Variants in SAMD4A observed in about 807,000 individuals in gnomAD.
SAMD4A encodes protein Smaug homolog 1.
SAMD4A carries 33 observed loss-of-function variants against 81.3 expected under a neutral mutation model. The observed-to-expected ratio is 0.41, with a 90% CI of 0.31 to 0.54. SAMD4A has a LOEUF of 0.54. Among genes scored for constraint, SAMD4A ranks in the 20% least tolerant of loss-of-function variants. The pLI, the probability that SAMD4A is intolerant of heterozygous loss-of-function variation, is 0.37. For missense variants in SAMD4A, 854 were observed against 951.1 expected (o/e 0.90, Z 1.34); for synonymous variants, 389 against 382.1 (o/e 1.02, Z -0.21).
chr14:54,688,341 T>C, intron 2 of SAMD4A: 1 of 985,522 alleles, frequency 1.0e-6, no homozygotes. Context: ...TCTGGGCTTC[T>C]GCAGACTCAT....
intron 2 of SAMD4A, among the ~76,000 whole-genome samples, chr14:54,622,354 C>A (rs981879892): frequency 1.3e-5 from 2 of 152,094 alleles, no homozygotes; most frequent in African/African-American, 4.8e-5. Flanking sequence ...CTGTTCAGGG[C>A]CTATCTAGGG....
chr14:54,611,714 T>C (rs924448077), intron 2 of SAMD4A, among the ~76,000 whole-genome samples: 1 of 151,716 alleles, frequency 6.6e-6, no homozygotes, highest in Non-Finnish European at 1.5e-5. Context: ...CCATCTCTAC[T>C]AAAAATACAA....
At chr14:54,771,094 C>T (rs1360757260) in intron 9 of SAMD4A, among the ~76,000 whole-genome samples, 1 of 151,864 alleles carries the variant, frequency 6.6e-6, no homozygotes, top group Admixed American at 6.6e-5. Context: ...CATTTATTTG[C>T]GTAAGCGTGC....
intron 4 of SAMD4A, among the ~76,000 whole-genome samples, chr14:54,743,414 A>T (rs1332370015): frequency 6.6e-6 from 1 of 152,200 alleles, no homozygotes; most frequent in Non-Finnish European, 1.5e-5. Flanking sequence ...GGTCTTTGAA[A>T]AGCAAGTCCT....
At chr14:54,634,570 C>T (rs1484321628) in intron 2 of SAMD4A, among the ~76,000 whole-genome samples, 1 of 152,092 alleles carries the variant, frequency 6.6e-6, no homozygotes, top group Non-Finnish European at 1.5e-5. Context: ...CTATGAGAAT[C>T]TAATACCATG....
chr14:54,711,229 T>C (rs1192380557), intron 3 of SAMD4A, among the ~76,000 whole-genome samples: 3 of 152,260 alleles, frequency 2.0e-5, no homozygotes, highest in Non-Finnish European at 4.4e-5. Flanking sequence ...TTTAGCCTTC[T>C]GTCATAATCA....
At chr14:54,598,740 T>C (rs1036816790) in intron 2 of SAMD4A, among the ~76,000 whole-genome samples, 11 of 151,944 alleles carry the variant, frequency 7.2e-5, no homozygotes, top group African/African-American at 2.7e-4. Flanking sequence ...AAATAGACAA[T>C]CTGTTATTTA....
chr14:54,785,852 G>A (rs1446973228), intron 12 of SAMD4A, among the ~76,000 whole-genome samples: 1 of 152,210 alleles, frequency 6.6e-6, no homozygotes, highest in African/African-American at 2.4e-5. Context: ...CCTTCCAAGG[G>A]CATCACAGAG....
intron 6 of SAMD4A, among the ~76,000 whole-genome samples, chr14:54,759,368 C>T (rs534298681): frequency 6.6e-6 from 1 of 152,200 alleles, no homozygotes; most frequent in South Asian, 2.1e-4. Context: ...CAGACTCCCC[C>T]CTCAGAGCCT....
chr14:54,683,113 C>T (rs536239085), intron 2 of SAMD4A, among the ~76,000 whole-genome samples: 17 of 152,232 alleles, frequency 1.1e-4, no homozygotes, highest in Non-Finnish European at 8.8e-5. Flanking sequence ...ATTATATACA[C>T]GTCTGCAAGA....
intron 2 of SAMD4A, among the ~76,000 whole-genome samples, chr14:54,592,626 A>C (rs1048248267): frequency 1.3e-5 from 2 of 151,910 alleles, no homozygotes; most frequent in Admixed American, 6.6e-5. Flanking sequence ...CGCCTGGCTA[A>C]TTTTTTGTAT....
intron 2 of SAMD4A, among the ~76,000 whole-genome samples, chr14:54,699,388 G>A (rs929098895): frequency 6.6e-6 from 1 of 152,162 alleles, no homozygotes; most frequent in African/African-American, 2.4e-5. Flanking sequence ...GGAGGGACTT[G>A]CTGAGGTCAT....
chr14:54,606,396 G>T (rs1477985843), intron 2 of SAMD4A, among the ~76,000 whole-genome samples: 2 of 152,182 alleles, frequency 1.3e-5, no homozygotes, highest in Non-Finnish European at 2.9e-5. Context: ...GTTGCTTGGT[G>T]CTGCCTAATC....
intron 2 of SAMD4A, among the ~76,000 whole-genome samples, chr14:54,669,213 C>T (rs2181050): frequency 0.54 from 81,412 of 151,836 alleles, 22,293 homozygotes; most frequent in South Asian, 0.65. Context: ...AGAGGAGACA[C>T]AGCTAAGGTA....
chr14:54,709,225 C>T (rs111483628), intron 3 of SAMD4A, among the ~76,000 whole-genome samples: 4 of 151,338 alleles, frequency 2.6e-5, no homozygotes, highest in East Asian at 3.9e-4. Context: ...TGCAGTGACC[C>T]GAGATCACAC....
At chr14:54,694,876 A>G (rs762341774) in intron 2 of SAMD4A, 190 of 985,444 alleles carry the variant, frequency 1.9e-4, no homozygotes, top group Non-Finnish European at 2.2e-4. Flanking sequence ...AAAAGTAACT[A>G]CAGATGGAAA....
At chr14:54,587,619 G>C (rs183745896) in intron 2 of SAMD4A, among the ~76,000 whole-genome samples, 91 of 152,258 alleles carry the variant, frequency 6.0e-4, no homozygotes, top group South Asian at 2.1e-4. Flanking sequence ...TTTGTCAAAT[G>C]CTGTTTCTGC....
At chr14:54,768,247 C>T (rs763768989) in intron 8 of SAMD4A, among the ~76,000 whole-genome samples, 14 of 152,212 alleles carry the variant, frequency 9.2e-5, no homozygotes, top group African/African-American at 1.7e-4. Context: ...CACCACCAAA[C>T]GGCCGGTCTG....
chr14:54,731,822 G>T (rs2037564538), intron 3 of SAMD4A, among the ~76,000 whole-genome samples: 1 of 152,190 alleles, frequency 6.6e-6, no homozygotes, highest in Admixed American at 6.5e-5. Flanking sequence ...ATTTGGTTTG[G>T]TATAGAGAAT....
Sources: gnomAD v4.1 joint callset for allele counts (sites outside exome capture counted in the v4.1 genomes callset) on GRCh38, gnomAD v4.1.1 for gene constraint, MANE v1.5 for transcripts, NCBI Gene and HGNC (gene_info 2026-07-23, HGNC 2026-07-21) for gene names.